The following OSR1 variants were observed in gnomAD, a reference collection of about 807,000 sequenced individuals.
The protein encoded by OSR1 is protein odd-skipped-related 1.
A neutral mutation model predicts 15.7 loss-of-function variants in OSR1; 3 were observed. That is an observed-to-expected ratio of 0.19 (90% CI 0.09 to 0.50). The LOEUF is 0.50. Ranked by LOEUF, OSR1 falls within the 20% of genes least tolerant of loss-of-function variation. The pLI, the probability that OSR1 is intolerant of heterozygous loss-of-function variation, is 0.97. For missense variants in OSR1, 271 were observed against 351.1 expected, an observed-to-expected ratio of 0.77 and a Z score of 1.82; for synonymous variants, 166 against 152.7, an observed-to-expected ratio of 1.09 and a Z score of -0.64.
downstream of OSR1, among the ~76,000 whole-genome samples, chr2:19,350,727 C>A (rs539765039): frequency 4.3e-4 from 66 of 152,166 alleles, no homozygotes; most frequent in African/African-American, 1.5e-3. Context: ...GAAAACTAGA[C>A]ACCCCAGGGA....
intron 1 of OSR1, 31 bp from the exon 2 acceptor site, chr2:19,353,868 G>T: frequency 6.6e-7 from 1 of 1,511,342 alleles, no homozygotes; most frequent in Non-Finnish European, 8.9e-7. Context: ...CAGGGGCGTG[G>T]AGAGGAATAA....
chr2:19,353,569 C>T lies in OSR1; in HGVS notation c.237G>A (p.Leu79=), dbSNP rs1269805691. The T allele has an allele frequency of 6.2e-7, 1 of 1,614,188 alleles. No homozygotes were observed. Among genetic ancestry groups the T allele is most frequent in the Non-Finnish European group, 8.5e-7 (1 of 1,180,022 alleles). Reference sequence around the variant, plus strand: ...CGGGCAGCTGGAAGCGCGCATCCACCAAGCTGGACACCGTGCCCGGCACTT... The same window carrying T: ...CGGGCAGCTGGAAGCGCGCATCCACTAAGCTGGACACCGTGCCCGGCACTT... ...FSKVPGTVSS[L]VDARFQLPAF... The change falls in exon 2 of 3, where the codon TTG becomes TTA. Residue 79 remains leucine (L), a synonymous_variant. Coordinates refer to ENST00000272223, the MANE Select transcript of OSR1 (RefSeq NM_145260.3).
the OSR1 span, among the ~76,000 whole-genome samples, chr2:19,344,965 A>C: frequency 6.6e-6 from 1 of 152,222 alleles, no homozygotes. Flanking sequence ...AGATGGTAGA[A>C]GATAACAGCA....
At chr2:19,351,299 A>G (rs1474756699), downstream of OSR1, among the ~76,000 whole-genome samples, 1 of 151,998 alleles carries the variant, frequency 6.6e-6, no homozygotes, top group African/African-American at 2.4e-5. Flanking sequence ...AAATCAATAC[A>G]TGGTGGGGCG....
intron 1 of OSR1, 120 bp from the exon 2 acceptor site, chr2:19,353,957 G>A (rs1173438195): frequency 6.0e-6 from 5 of 836,098 alleles, no homozygotes; most frequent in Non-Finnish European, 9.1e-6. Flanking sequence ...CAGGAGCTAA[G>A]AGTCTAAGAC....
In OSR1 at chr2:19,352,107, C is replaced by G. The variant is rs1664852762; in HGVS notation, c.*168G>C. 4.4e-6 allele frequency: 3 copies of G among 685,012 alleles called. No homozygotes were observed. The highest frequency in any genetic ancestry group is 6.7e-6 in the Non-Finnish European group (3 of 444,584). The allele number at this position is 685,012 out of a possible 1,614,324, so 42.4% of individuals were successfully genotyped here. ...GCAGGGACGGTCGGGGTCGCGGCCCCGGGCGGGGCTCTGAAGTGCCGCGTG... is the reference window on the plus strand; with the variant it reads ...GCAGGGACGGTCGGGGTCGCGGCCCGGGGCGGGGCTCTGAAGTGCCGCGTG... On this transcript the variant is annotated 3_prime_UTR_variant, in exon 3 of 3. Transcript: ENST00000272223.
At position 19,358,475 on chromosome 2, in the gene OSR1, C is replaced by T. The variant is rs771869183; in HGVS notation, c.-167G>A. 3 of 152,270 alleles carry T rather than the reference C, an allele frequency of 2.0e-5. No individual in the cohort carries two copies. Among genetic ancestry groups the T allele is most frequent in the African/African-American group, 7.2e-5 (3 of 41,460 alleles). The allele number at this position is 152,270 out of a possible 1,614,324, so 9.4% of individuals were successfully genotyped here. A position where few individuals can be genotyped will look rare whatever the true frequency, so the allele number is the denominator to read the frequency against. ...CCCGACTCCTCTCCTGCCGCGGGGA[C>T]TCCAAGCGCCGGACACGCGGGAGCG... On this transcript the variant is annotated 5_prime_UTR_variant, in exon 1 of 3. Coordinates refer to ENST00000272223, the MANE Select transcript of OSR1 (RefSeq NM_145260.3).
rs1330502245 is a variant in OSR1 at position 19,357,585 on chromosome 2, C to G, written c.-33+756G>C. Reference sequence around the variant, plus strand: ...AACAGAACTTTTCCTGTCCCCAGCCCGGAGACCCTAGGGCTCCACAGAGTT... The same window carrying G: ...AACAGAACTTTTCCTGTCCCCAGCCGGGAGACCCTAGGGCTCCACAGAGTT... On this transcript the variant is annotated intron_variant, in intron 1 of 2. Transcript: ENST00000272223. This position sits in a 1 kb window ranked among gnomAD's most constrained non-coding sequence, Gnocchi z 5.0. 1 of 152,172 alleles carries G rather than the reference C, an allele frequency of 6.6e-6. No homozygotes were observed. The highest frequency in any genetic ancestry group is 1.5e-5 in the Non-Finnish European group (1 of 68,054). The allele number at this position is 152,172 out of a possible 1,614,324, so 9.4% of individuals were successfully genotyped here. A position where few individuals can be genotyped will look rare whatever the true frequency, so the allele number is the denominator to read the frequency against.
rs572232283 is a variant in OSR1 at position 19,357,321 on chromosome 2, T to A, written c.-33+1020A>T. Among the ~76,000 whole-genome samples, 5 of 152,302 alleles carry A rather than the reference T, an allele frequency of 3.3e-5. No homozygotes were observed. In the East Asian group the frequency reaches 9.7e-4, roughly 30 times the overall value. Reference sequence around the variant, plus strand: ...ACGTGGTTTTGTTCCGCAGAGCCAATGCGCAGCTCTTAGCCTGGGTGAAAT... The same window carrying A: ...ACGTGGTTTTGTTCCGCAGAGCCAAAGCGCAGCTCTTAGCCTGGGTGAAAT... On this transcript the variant is annotated intron_variant, in intron 1 of 2. Transcript: ENST00000272223. This position sits in a 1 kb window ranked among gnomAD's most constrained non-coding sequence, Gnocchi z 5.0.
At chr2:19,347,168 G>C (rs1159442574), downstream of OSR1, among the ~76,000 whole-genome samples, 2 of 152,190 alleles carry the variant, frequency 1.3e-5, no homozygotes, top group African/African-American at 4.8e-5. Flanking sequence ...GAATACAGTA[G>C]GTTGGGAGGC....
downstream of OSR1, among the ~76,000 whole-genome samples, chr2:19,348,058 C>G (rs928337614): frequency 2.6e-5 from 4 of 152,230 alleles, no homozygotes; most frequent in African/African-American, 9.6e-5. Flanking sequence ...GCGCGTGGCG[C>G]TTGCGCAGTG....
At chr2:19,347,345 T>G (rs1460384884), downstream of OSR1, among the ~76,000 whole-genome samples, 7 of 152,208 alleles carry the variant, frequency 4.6e-5, no homozygotes, top group Non-Finnish European at 8.8e-5. Flanking sequence ...CTACACAAAG[T>G]GAATGAGGTA....
At chr2:19,353,895 T>A in intron 1 of OSR1, 58 bp from the exon 2 acceptor site, 50 of 1,291,420 alleles carry the variant, frequency 3.9e-5, no homozygotes, top group Non-Finnish European at 4.9e-5. Context: ...TCAGGGTGGG[T>A]CGCCTTCCTC....
rs1489056968 is a variant in OSR1 at position 19,358,533 on chromosome 2, G to C, written c.-225C>G. On this transcript the variant is annotated 5_prime_UTR_variant, in exon 1 of 3. Transcript: ENST00000272223. ...AGCAGCCCCGGATCCTGCACGCCGGGGACGGTGAGCCTCGCTCGCGGCTCC... is the reference window on the plus strand; with the variant it reads ...AGCAGCCCCGGATCCTGCACGCCGGCGACGGTGAGCCTCGCTCGCGGCTCC... 1 of 152,274 alleles carries C rather than the reference G, an allele frequency of 6.6e-6. No individual in the cohort carries two copies. Among genetic ancestry groups the C allele is most frequent in the East Asian group, 1.9e-4 (1 of 5,180 alleles). The allele number at this position is 152,274 out of a possible 1,614,324, so 9.4% of individuals were successfully genotyped here. A position where few individuals can be genotyped will look rare whatever the true frequency, so the allele number is the denominator to read the frequency against.
In OSR1 at chr2:19,353,397, C is replaced by A; in HGVS notation, c.409G>T (p.Gly137Trp). 2.5e-6 allele frequency: 4 copies of A among 1,614,106 alleles called. No individual in the cohort carries two copies. Among genetic ancestry groups the A allele is most frequent in the Non-Finnish European group, 2.5e-6 (3 of 1,179,984 alleles). ...TQEDPAKLGR[G>W]EGPGSPAGGL... is the part of the protein sequence containing the mutation. Reference sequence around the variant, plus strand: ...CCTGCAGGGGAGCCTGGGCCCTCCCCGCGACCGAGCTTGGCCGGATCTTCT... The same window carrying A: ...CCTGCAGGGGAGCCTGGGCCCTCCCAGCGACCGAGCTTGGCCGGATCTTCT... Residue 137 changes from glycine to tryptophan, a missense_variant, in exon 2 of 3, where the codon GGG becomes TGG. This residue lies in a region of OSR1 where 210 missense variants were observed against 218.4 expected (regional missense o/e 0.96). Coordinates refer to ENST00000272223, the MANE Select transcript of OSR1 (RefSeq NM_145260.3).
Position 19,352,221 on chromosome 2 carries a change from C to A in OSR1, c.*54G>T. 1.9e-6 allele frequency: 3 copies of A among 1,583,824 alleles called. No individual in the cohort carries two copies. In the South Asian group the frequency reaches 3.4e-5, roughly 18 times the overall value. ...GCCCGCCAGAGTCAGGCTTCTGGTC[C>A]CTATGGAGGAGAGGGCCGCTGGGCC... is the stretch of plus-strand genomic sequence containing the variant. On this transcript the variant is annotated 3_prime_UTR_variant, in exon 3 of 3. Transcript: ENST00000272223.
At chr2:19,345,227 C>T in the OSR1 span, among the ~76,000 whole-genome samples, 3 of 152,054 alleles carry the variant, frequency 2.0e-5, no homozygotes, top group Admixed American at 2.0e-4. Context: ...GAGTAGGTTG[C>T]GAAAATTTTC....
chr2:19,349,478 T>A (rs1392920733), downstream of OSR1, among the ~76,000 whole-genome samples: 1 of 152,164 alleles, frequency 6.6e-6, no homozygotes, highest in African/African-American at 2.4e-5. Context: ...ATCCCCAATT[T>A]AAAATTCTGC....
chr2:19,351,233 C>T (rs899150067), downstream of OSR1, among the ~76,000 whole-genome samples: 4 of 152,076 alleles, frequency 2.6e-5, no homozygotes, highest in African/African-American at 4.8e-5. Flanking sequence ...AGCACTTTAG[C>T]GGTGAGGAGT....
Sources: gnomAD v4.1 joint callset for allele counts (sites outside exome capture counted in the v4.1 genomes callset) on GRCh38, gnomAD v4.1.1 for gene constraint, gnomAD v4.1.1 regional missense constraint, Gnocchi (gnomAD v3.1) non-coding constraint, MANE v1.5 for transcripts, NCBI Gene and HGNC (gene_info 2026-07-23, HGNC 2026-07-21) for gene names.